PUM1: variants seen among roughly 807,000 people sequenced by gnomAD.
The protein encoded by PUM1 is pumilio RNA binding family member 1.
A neutral mutation model predicts 131.8 loss-of-function variants in PUM1; 13 were observed. That is an observed-to-expected ratio of 0.10 (90% confidence interval 0.06 to 0.16). The LOEUF (loss-of-function observed/expected upper bound fraction) is 0.16, where lower values mean the gene tolerates loss of function less well. PUM1 is among the 10% of genes least tolerant of loss of function. The pLI is 1.00. For missense variants in PUM1, 961 were observed against 1,512.4 expected (o/e 0.64, Z 6.05); for synonymous variants, 509 against 556.5 (o/e 0.91, Z 1.20).
intron 16 of PUM1, among the ~76,000 whole-genome samples, chr1:30,950,467 T>C (rs928240214): frequency 6.6e-6 from 1 of 152,268 alleles, no homozygotes; most frequent in Non-Finnish European, 1.5e-5. Flanking sequence ...CCCTTTTTAA[T>C]GTTAAGAAGT....
intron 10 of PUM1, among the ~76,000 whole-genome samples, chr1:30,973,719 G>A (rs192473704): frequency 6.6e-5 from 10 of 151,974 alleles, no homozygotes; most frequent in Non-Finnish European, 1.3e-4. Context: ...AAACATAATA[G>A]CATTGGTTTT....
Position 31,061,487 on chromosome 1 carries a change from G to A in PUM1, c.-11-1910C>T, listed in dbSNP as rs536992031. Among the ~76,000 whole-genome samples the A allele has an allele frequency of 2.6e-4, 39 of 151,970 alleles. No individual in the cohort carries two copies. In the South Asian group the frequency reaches 6.7e-3, roughly 26 times the overall value. Reference sequence around the variant, plus strand: ...AGAAATTAGCCAGGCTTGGTGGCACGCGCCTGTAATCCCAGCTACTTGGGA... The same window carrying A: ...AGAAATTAGCCAGGCTTGGTGGCACACGCCTGTAATCCCAGCTACTTGGGA... On this transcript the variant is annotated intron_variant, in intron 1 of 21. Coordinates refer to ENST00000426105, the MANE Select transcript of PUM1 (RefSeq NM_001020658.2).
chr1:31,034,395 T>C (rs1419457428), intron 2 of PUM1, among the ~76,000 whole-genome samples: 1 of 152,144 alleles, frequency 6.6e-6, no homozygotes, highest in East Asian at 1.9e-4. Flanking sequence ...TCACAGAACT[T>C]TGGGAGGCTG....
rs1448772711 is a variant in PUM1, at chr1:31,008,409, AAC to A, written c.433-1309_433-1308del. On this transcript the variant is annotated intron_variant, in intron 3 of 21. Transcript: ENST00000426105. ...TTAAACAAGATTGAGAAAAAAAAAA[AAC>A]ATTTGTCTGGTATTTAATTGCACAG... Among the ~76,000 whole-genome samples, 4 of 152,156 alleles carry A rather than the reference AAC, an allele frequency of 2.6e-5. No homozygotes were observed. The South Asian group carries it at 8.3e-4, about 32-fold the overall frequency.
At chr1:31,045,382 C>T (rs1399503548) in intron 2 of PUM1, among the ~76,000 whole-genome samples, 2 of 152,114 alleles carry the variant, frequency 1.3e-5, no homozygotes, top group African/African-American at 4.8e-5. Context: ...AGACGATCCA[C>T]CCACCTCAGC....
chr1:30,936,865 TTACA>T, intron 20 of PUM1, 30 bp from the exon 21 acceptor site: 7 of 1,545,858 alleles, frequency 4.5e-6, no homozygotes, highest in Non-Finnish European at 6.2e-6. Flanking sequence ...GGGACAACTC[TTACA>T]AGAGAGGCCC....
Position 30,966,239 on chromosome 1 carries a change from C to A in PUM1, c.1829G>T (p.Gly610Val). ...TCCATTTGTTGTTCCAGCAAGACCA[C>A]CAGCTGCTCCATTTGCTGAAGCTGC... ...AAAASANGAA[G>V]GLAGTTNGPF... is the part of the protein sequence containing the mutation. The change falls in exon 13 of 22, where the codon GGT becomes GTT. Residue 610 changes from glycine (G) to valine (V), a missense_variant. By Grantham distance (109) the Gly-to-Val change is moderately radical. Transcript: ENST00000426105. 6.2e-7 allele frequency: 1 copy of A among 1,608,466 alleles called. No individual in the cohort carries two copies. Among genetic ancestry groups the A allele is most frequent in the Non-Finnish European group, 8.5e-7 (1 of 1,175,826 alleles).
At position 31,059,287 on chromosome 1, in the gene PUM1, C is replaced by T. The variant is rs1345000091; in HGVS notation, c.280G>A (p.Gly94Arg). Residue 94 changes from glycine (G) to arginine (R), a missense_variant, in exon 2 of 22, where the codon GGG becomes AGG. By Grantham distance (125) the Gly-to-Arg change is moderately radical. Around this residue, in one of 4 missense-constraint regions of PUM1, gnomAD observed 654 missense variants for 923.9 expected, o/e 0.71. Coordinates refer to ENST00000426105, the MANE Select transcript of PUM1 (RefSeq NM_001020658.2). ...FFQRQHGEQL[G>R]GGGSGGGGYN... ...CCGCCTCCTCCACTTCCTCCTCCCCCAAGCTGCTCACCATGCTGCCTCTGA... is the reference window on the plus strand; with the variant it reads ...CCGCCTCCTCCACTTCCTCCTCCCCTAAGCTGCTCACCATGCTGCCTCTGA... The T allele has an allele frequency of 6.2e-7, 1 of 1,614,072 alleles. No individual in the cohort carries two copies. Among genetic ancestry groups the T allele is most frequent in the Non-Finnish European group, 8.5e-7 (1 of 1,180,044 alleles).
intron 12 of PUM1, 31 bp downstream of exon 12, chr1:30,967,127 TTTAGATCTC>T: frequency 6.2e-7 from 1 of 1,607,232 alleles, no homozygotes; most frequent in South Asian, 1.1e-5. Context: ...AGTCGCCACT[TTTAGATCTC>T]TGGCAGGAGT....
At chr1:30,975,834 C>G (rs1395972022) in intron 9 of PUM1, among the ~76,000 whole-genome samples, 1 of 152,020 alleles carries the variant, frequency 6.6e-6, no homozygotes, top group Admixed American at 6.5e-5. Context: ...GTAACCCCAG[C>G]ATTACGGGAG....
Position 30,992,586 on chromosome 1 carries a change from C to A in PUM1, c.962G>T (p.Gly321Val). 5 of 1,614,192 alleles carry A rather than the reference C, an allele frequency of 3.1e-6. No individual in the cohort carries two copies. Among genetic ancestry groups the A allele is most frequent in the Non-Finnish European group, 4.2e-6 (5 of 1,180,020 alleles). The change falls in exon 7 of 22, where the codon GGC becomes GTC. Residue 321 changes from glycine to valine, a missense_variant. This residue lies in a region of PUM1 where 654 missense variants were observed against 923.9 expected (regional missense o/e 0.71). Transcript: ENST00000426105. ...LLGPNQNGSE[G>V]LAQLTSTNGA... ...ATTGGTGCTGGTCAGCTGGGCTAAG[C>A]CCTCAGAACCATTCTGGTTTGGACC...
At chr1:30,945,911 G>A (rs537042759) in intron 17 of PUM1, among the ~76,000 whole-genome samples, 7 of 151,900 alleles carry the variant, frequency 4.6e-5, no homozygotes, top group Non-Finnish European at 8.8e-5. Flanking sequence ...TCAGCCTCCC[G>A]AGTAGCTGGG....
chr1:31,029,802 T>C (rs916046331), intron 2 of PUM1, among the ~76,000 whole-genome samples: 1 of 151,088 alleles, frequency 6.6e-6, no homozygotes, highest in Non-Finnish European at 1.5e-5. Context: ...CACACCCAGA[T>C]ACTCAGCAGG....
chr1:31,005,557 G>A (rs1009320299), intron 5 of PUM1, among the ~76,000 whole-genome samples: 1 of 151,820 alleles, frequency 6.6e-6, no homozygotes, highest in South Asian at 2.1e-4. Flanking sequence ...AGTAAAAATG[G>A]TGTTTTCTGA....
intron 2 of PUM1, among the ~76,000 whole-genome samples, chr1:31,043,118 T>C (rs1208826276): frequency 6.6e-6 from 1 of 152,228 alleles, no homozygotes; most frequent in African/African-American, 2.4e-5. Flanking sequence ...TTACAAGGCT[T>C]CTGACCCTTA....
chr1:31,013,580 A>G (rs958139126), intron 3 of PUM1, among the ~76,000 whole-genome samples: 1 of 152,230 alleles, frequency 6.6e-6, no homozygotes, highest in Admixed American at 6.5e-5. Flanking sequence ...CAAATGCTTG[A>G]TATTTAACTA....
intron 18 of PUM1, among the ~76,000 whole-genome samples, chr1:30,944,264 A>C (rs1639577748): frequency 6.6e-6 from 1 of 152,178 alleles, no homozygotes; most frequent in Non-Finnish European, 1.5e-5. Flanking sequence ...ATTATACCTG[A>C]AAATCTATGT....
chr1:31,044,627 T>C (rs1643910337), intron 2 of PUM1, among the ~76,000 whole-genome samples: 1 of 152,048 alleles, frequency 6.6e-6, no homozygotes, highest in Non-Finnish European at 1.5e-5. Context: ...CTAAAATTAA[T>C]GATTATGATA....
chr1:31,038,978 ATATATATT>A (rs1414414925), intron 2 of PUM1, among the ~76,000 whole-genome samples: 16 of 30,040 alleles, frequency 5.3e-4, no homozygotes, highest in Middle Eastern at 0.014. Flanking sequence ...ATATATATAT[ATATATATT>A]TTTTTTTTTT....
Sources: gnomAD v4.1 joint callset for allele counts (sites outside exome capture counted in the v4.1 genomes callset) on GRCh38, gnomAD v4.1.1 for gene constraint, gnomAD v4.1.1 regional missense constraint, MANE v1.5 for transcripts, NCBI Gene and HGNC (gene_info 2026-07-23, HGNC 2026-07-21) for gene names.